Variants in CELF2 observed in about 807,000 individuals in gnomAD.
The protein encoded by CELF2 is CUG triplet repeat RNA-binding protein 2.
In CELF2, 8 loss-of-function variants were observed where a neutral mutation model predicts 62.6. The observed-to-expected ratio is 0.13, with a 90% CI of 0.07 to 0.23. The LOEUF (loss-of-function observed/expected upper bound fraction) is 0.23, where lower values mean the gene tolerates loss of function less well. CELF2 is among the 10% of genes least tolerant of loss of function. The pLI is 1.00. For synonymous variants in CELF2, 258 were observed against 250.0 expected (o/e 1.03, Z -0.30); for missense variants, 333 against 671.0 (o/e 0.50, Z 5.56).
intron 9 of CELF2, among the ~76,000 whole-genome samples, chr10:11,293,352 G>A (rs1485974078): frequency 1.3e-5 from 2 of 152,166 alleles, no homozygotes; most frequent in African/African-American, 4.8e-5. Flanking sequence ...GATTTTTGGC[G>A]GTAATTAGTA....
intron 1 of CELF2, among the ~76,000 whole-genome samples, chr10:10,848,977 C>T (rs988519990): frequency 6.6e-6 from 1 of 152,204 alleles, no homozygotes; most frequent in South Asian, 2.1e-4. Context: ...AACAGCCTCT[C>T]TCACTATCCT....
At chr10:10,492,958 C>G in the CELF2 span, among the ~76,000 whole-genome samples, 3 of 152,156 alleles carry the variant, frequency 2.0e-5, no homozygotes, top group African/African-American at 7.2e-5. Context: ...GTAAGACGTG[C>G]CTTTCACCTC....
the CELF2 span, among the ~76,000 whole-genome samples, chr10:10,736,133 C>T: frequency 6.6e-6 from 1 of 151,990 alleles, no homozygotes; most frequent in African/African-American, 2.4e-5. Flanking sequence ...CATTCTTTAC[C>T]CTAGATTCTT....
chr10:10,742,776 G>A, the CELF2 span, among the ~76,000 whole-genome samples: 2 of 151,962 alleles, frequency 1.3e-5, no homozygotes, highest in Non-Finnish European at 2.9e-5. Context: ...TGACAATCAG[G>A]GCAATTTTCT....
At chr10:11,144,320 GATATT>G (rs1430191942) in intron 1 of CELF2, among the ~76,000 whole-genome samples, 3 of 152,102 alleles carry the variant, frequency 2.0e-5, no homozygotes, top group African/African-American at 4.8e-5. Flanking sequence ...ATAGTAGTTC[GATATT>G]ATATTAATCA....
rs768288116 is a variant in CELF2, at chr10:11,165,137, G to A, written c.75-349G>A. 4.2e-5 allele frequency: 45 copies of A among 1,062,240 alleles called. No homozygotes were observed. Among genetic ancestry groups the A allele is most frequent in the Admixed American group, 5.3e-5 (1 of 19,020 alleles). The allele number at this position is 1,062,240 out of a possible 1,614,324, so 65.8% of individuals were successfully genotyped here. ...ACAGCCAGGGTAGGGCTGATAAGGC[G>A]CTGATGCGTTGATGGCAGCCTTGCA... On this transcript the variant is annotated intron_variant, in intron 1 of 12. Transcript: ENST00000633077. This position sits in a 1 kb window ranked among gnomAD's most constrained non-coding sequence, Gnocchi z 7.4.
the CELF2 span, among the ~76,000 whole-genome samples, chr10:10,557,763 T>C: frequency 6.2e-5 from 9 of 146,230 alleles, no homozygotes; most frequent in Admixed American, 4.8e-4. Context: ...CCTTGTAAGT[T>C]GGATTCCTAG....
At chr10:11,116,629 C>T (rs1199859832) in intron 1 of CELF2, among the ~76,000 whole-genome samples, 4 of 152,132 alleles carry the variant, frequency 2.6e-5, no homozygotes, top group African/African-American at 7.2e-5. Flanking sequence ...GTGAGTTCAG[C>T]GAAGTTGGTT....
upstream of CELF2, among the ~76,000 whole-genome samples, chr10:11,002,605 C>T (rs1409959719): frequency 2.0e-5 from 3 of 152,132 alleles, no homozygotes; most frequent in Non-Finnish European, 4.4e-5. The surrounding 1 kb of genome is among the most constrained non-coding windows in gnomAD (Gnocchi z 4.4). Flanking sequence ...GTAAGTCACT[C>T]CAGCCACTTC....
Position 10,978,674 on chromosome 10 carries a change from T to C in CELF2, c.89+58675T>C, listed in dbSNP as rs566290159. On this transcript the variant is annotated intron_variant, in intron 2 of 13. Coordinates refer to the CELF2 transcript ENST00000636488. ...ACACTGAAGCCATATCTCACAGTCA[T>C]TAAGGAATGGATACGGAGAAGAATA... Among the ~76,000 whole-genome samples, 126 of 152,280 alleles carry C rather than the reference T, an allele frequency of 8.3e-4. 2 individuals carry two copies. Among genetic ancestry groups the C allele is most frequent in the South Asian group, 2.1e-3 (10 of 4,826 alleles).
chr10:10,634,863 A>G, the CELF2 span, among the ~76,000 whole-genome samples: 1 of 152,048 alleles, frequency 6.6e-6, no homozygotes, highest in Non-Finnish European at 1.5e-5. Context: ...GGGTTTCCCC[A>G]TGTTCCCCAG....
chr10:10,601,262 G>A, the CELF2 span, among the ~76,000 whole-genome samples: 113 of 152,250 alleles, frequency 7.4e-4, no homozygotes, highest in African/African-American at 2.7e-3. Flanking sequence ...AAGCCCTAAG[G>A]GGGAATGGAG....
At chr10:10,906,408 A>G (rs1348582980) in intron 1 of CELF2, among the ~76,000 whole-genome samples, 1 of 152,204 alleles carries the variant, frequency 6.6e-6, no homozygotes, top group Non-Finnish European at 1.5e-5. Context: ...GGTGATGGAG[A>G]TGTTACAAAA....
intron 2 of CELF2, among the ~76,000 whole-genome samples, chr10:10,942,974 C>A (rs1030904634): frequency 2.6e-5 from 4 of 152,168 alleles, no homozygotes; most frequent in African/African-American, 9.7e-5. Flanking sequence ...AAGCTCAGGG[C>A]AGGACCCACA....
chr10:10,761,853 C>G, the CELF2 span, among the ~76,000 whole-genome samples: 1 of 151,254 alleles, frequency 6.6e-6, no homozygotes, highest in Non-Finnish European at 1.5e-5. Context: ...ACCTACAGAT[C>G]TGGGGACTTC....
rs2095430224 is a variant in CELF2, at chr10:11,321,435, C to CT, written c.1294+50dup. 5.3e-6 allele frequency: 8 copies of CT among 1,498,418 alleles called. No homozygotes were observed. The highest frequency in any genetic ancestry group is 7.3e-6 in the Non-Finnish European group (8 of 1,092,680). 92.8% of individuals were successfully genotyped at this position (1,498,418 alleles called of 1,614,324 possible). On this transcript the variant is annotated intron_variant, in intron 11 of 12. Transcript: ENST00000633077. This position sits in a 1 kb window ranked among gnomAD's most constrained non-coding sequence, Gnocchi z 6.2. ...GCAGGGCCCAGCCCAACAGGCAGCACTGGCCTCTAGAGCACGGTTAGAAGG... is the reference window on the plus strand; with the variant it reads ...GCAGGGCCCAGCCCAACAGGCAGCACTTGGCCTCTAGAGCACGGTTAGAAGG...
the CELF2 span, among the ~76,000 whole-genome samples, chr10:10,709,195 A>G: frequency 6.6e-6 from 1 of 152,218 alleles, no homozygotes; most frequent in African/African-American, 2.4e-5. Context: ...TTCATTGTTA[A>G]TGGCTGCTAT....
the CELF2 span, among the ~76,000 whole-genome samples, chr10:10,483,900 A>G: frequency 4.5e-5 from 6 of 132,124 alleles, no homozygotes; most frequent in South Asian, 1.0e-3. Context: ...TCTCTCTCTC[A>G]TCTCTCTGTG....
chr10:10,959,411 C>T (rs965864700), intron 2 of CELF2, among the ~76,000 whole-genome samples: 2 of 152,176 alleles, frequency 1.3e-5, no homozygotes, highest in African/African-American at 4.8e-5. Context: ...ATATGGTGTA[C>T]TCCCTTTAAT....
Sources: gnomAD v4.1 joint callset for allele counts (sites outside exome capture counted in the v4.1 genomes callset) on GRCh38, gnomAD v4.1.1 for gene constraint, Gnocchi (gnomAD v3.1) non-coding constraint, MANE v1.5 for transcripts, NCBI Gene and HGNC (gene_info 2026-07-23, HGNC 2026-07-21) for gene names.